The following MYCBP2 variants were observed in gnomAD, a reference collection of about 807,000 sequenced individuals.
MYCBP2 encodes E3 ubiquitin-protein ligase MYCBP2.
A neutral mutation model predicts 525.3 loss-of-function variants in MYCBP2; 120 were observed. That is an observed-to-expected ratio of 0.23 (90% CI 0.20 to 0.27). MYCBP2 has a LOEUF of 0.27. Ranked by LOEUF, MYCBP2 falls within the 10% of genes least tolerant of loss-of-function variation. MYCBP2 has a pLI of 1.00. For missense variants in MYCBP2, 4,149 were observed against 5,657.1 expected (o/e 0.73, Z 8.55); for synonymous variants, 1,894 against 1,955.8 (o/e 0.97, Z 0.83).
At chr13:77,218,443 T>C (rs972149580) in intron 20 of MYCBP2, among the ~76,000 whole-genome samples, 3 of 152,220 alleles carry the variant, frequency 2.0e-5, no homozygotes, top group Non-Finnish European at 4.4e-5. Flanking sequence ...CAAAACACAG[T>C]ATCATGAGAG....
At chr13:77,242,430 A>C (rs930329667) in intron 17 of MYCBP2, among the ~76,000 whole-genome samples, 10 of 152,136 alleles carry the variant, frequency 6.6e-5, no homozygotes, top group African/African-American at 2.4e-4. Context: ...ATGTATTTTT[A>C]AGCTAAGAAA....
intron 55 of MYCBP2, among the ~76,000 whole-genome samples, chr13:77,119,978 G>A (rs772171741): frequency 3.6e-4 from 55 of 151,876 alleles, no homozygotes; most frequent in Non-Finnish European, 7.5e-4. Context: ...AAATTTTCTC[G>A]GCAATGTTTG....
chr13:77,276,076 C>T (rs2075539953), intron 4 of MYCBP2, among the ~76,000 whole-genome samples: 1 of 152,198 alleles, frequency 6.6e-6, no homozygotes, highest in African/African-American at 2.4e-5. Context: ...CTCTCTGATG[C>T]TAAGTTCCAT....
intron 26 of MYCBP2, among the ~76,000 whole-genome samples, chr13:77,198,101 G>C (rs1193865022): frequency 6.6e-6 from 1 of 152,144 alleles, no homozygotes; most frequent in African/African-American, 2.4e-5. Context: ...ATAACACATT[G>C]AGGTTGCTTC....
intron 69 of MYCBP2, among the ~76,000 whole-genome samples, chr13:77,069,394 G>A (rs984658610): frequency 1.3e-5 from 2 of 151,800 alleles, no homozygotes; most frequent in Admixed American, 6.6e-5. Flanking sequence ...AGGCCGAGGC[G>A]GGCGGATCAT....
chr13:77,055,482 C>CACTGT, intron 80 of MYCBP2, 76 bp downstream of exon 80: 1 of 1,162,128 alleles, frequency 8.6e-7, no homozygotes, highest in Non-Finnish European at 1.2e-6. Context: ...AATTAGATAT[C>CACTGT]ACTGTACAAT....
chr13:77,152,154 A>C (rs1396369511), intron 46 of MYCBP2, among the ~76,000 whole-genome samples: 1 of 152,196 alleles, frequency 6.6e-6, no homozygotes, highest in Non-Finnish European at 1.5e-5. Flanking sequence ...GTAGTTTGAG[A>C]CTTTCGCTAT....
intron 1 of MYCBP2, among the ~76,000 whole-genome samples, chr13:77,317,659 C>G (rs2154380319): frequency 1.3e-5 from 2 of 152,284 alleles, no homozygotes; most frequent in Middle Eastern, 6.8e-3. Context: ...TGGGTCCCGG[C>G]CGGGCGCGGT....
intron 18 of MYCBP2, among the ~76,000 whole-genome samples, chr13:77,231,107 T>C (rs1179098601): frequency 6.6e-6 from 1 of 152,220 alleles, no homozygotes; most frequent in East Asian, 1.9e-4. Flanking sequence ...ATTGTAAATG[T>C]ATTTGGGGAG....
intron 23 of MYCBP2, among the ~76,000 whole-genome samples, chr13:77,209,321 G>A (rs1215084219): frequency 6.6e-6 from 1 of 152,212 alleles, no homozygotes; most frequent in East Asian, 1.9e-4. Flanking sequence ...TAGTTATACT[G>A]TTATTGCTAA....
At position 77,097,874 on chromosome 13, in the gene MYCBP2, A is replaced by G; in HGVS notation, c.9280T>C (p.Ser3094Pro). ...ATATTAAACATATTCAGTGCAGATGATATTTCTAATGAATGTCTATTTTTT... is the reference window on the plus strand; with the variant it reads ...ATATTAAACATATTCAGTGCAGATGGTATTTCTAATGAATGTCTATTTTTT... ...KLKNRHSLEISSALNMFNIAP... is the reference protein window; with the variant it reads ...KLKNRHSLEIPSALNMFNIAP... Residue 3094 changes from serine to proline, a missense_variant, in exon 56 of 83, where the codon TCA (serine) becomes CCA (proline). Physicochemically the swap from Ser to Pro is moderately conservative, Grantham distance 74. Coordinates refer to ENST00000544440, the MANE Select transcript of MYCBP2 (RefSeq NM_015057.5). 6.2e-7 allele frequency: 1 copy of G among 1,612,974 alleles called. No homozygotes were observed. Among genetic ancestry groups the G allele is most frequent in the South Asian group, 1.1e-5 (1 of 90,934 alleles).
chr13:77,178,899 GA>G (rs2059960471), intron 34 of MYCBP2, among the ~76,000 whole-genome samples: 1 of 152,206 alleles, frequency 6.6e-6, no homozygotes. Flanking sequence ...GCATCCTGCA[GA>G]GTATACTATC....
intron 46 of MYCBP2, among the ~76,000 whole-genome samples, chr13:77,153,846 A>T (rs1424824951): frequency 6.6e-6 from 1 of 152,114 alleles, no homozygotes; most frequent in Non-Finnish European, 1.5e-5. Context: ...TTTATCCAAC[A>T]CTGTCAGACA....
At chr13:77,232,178 T>C (rs552369215) in intron 18 of MYCBP2, among the ~76,000 whole-genome samples, 1 of 152,280 alleles carries the variant, frequency 6.6e-6, no homozygotes, top group Admixed American at 6.5e-5. Context: ...ATATTGCCTA[T>C]GAAATTTTTT....
chr13:77,066,636 T>C (rs2040252584), intron 71 of MYCBP2, among the ~76,000 whole-genome samples: 1 of 152,244 alleles, frequency 6.6e-6, no homozygotes, highest in South Asian at 2.1e-4. Flanking sequence ...GTTTTAGAAG[T>C]AGAATTGGTA....
At chr13:77,057,995 G>A (rs565456657) in intron 78 of MYCBP2, among the ~76,000 whole-genome samples, 1 of 151,960 alleles carries the variant, frequency 6.6e-6, no homozygotes, top group East Asian at 1.9e-4. Context: ...CCACCACCAC[G>A]CCCAGCTAAT....
chr13:77,070,492 C>A, intron 69 of MYCBP2, 139 bp downstream of exon 69: 1 of 516,576 alleles, frequency 1.9e-6, no homozygotes, highest in Non-Finnish European at 3.4e-6. Context: ...AATTCTTTTT[C>A]TTCAAATATG....
At position 77,165,380 on chromosome 13, in the gene MYCBP2, G is replaced by T. The variant is rs1224913569; in HGVS notation, c.6352C>A (p.Leu2118Ile). The change falls in exon 42 of 83, where the codon CTT (leucine) becomes ATT (isoleucine). Residue 2118 changes from leucine to isoleucine, a missense_variant. By Grantham distance (5) the Leu-to-Ile change is conservative. This residue lies in a region of MYCBP2 where 692 missense variants were observed against 852.7 expected (regional missense o/e 0.81). Transcript: ENST00000544440. Reference sequence around the variant, plus strand: ...TCTGATGCAGTCTCCAATGAAAAAAGGGCCTCATTTCCTAATAAAAATGCC... The same window carrying T: ...TCTGATGCAGTCTCCAATGAAAAAATGGCCTCATTTCCTAATAAAAATGCC... ...MVLVLPGNEA[L>I]FSLETASDYV... The T allele has an allele frequency of 3.8e-6, 6 of 1,593,846 alleles. No homozygotes were observed. The East Asian group carries it at 1.1e-4, about 30-fold the overall frequency.
intron 59 of MYCBP2, among the ~76,000 whole-genome samples, chr13:77,092,076 T>G (rs868075681): frequency 7.9e-5 from 4 of 50,366 alleles, no homozygotes; most frequent in Admixed American, 3.3e-4. Flanking sequence ...GCATGTATTT[T>G]TAATGAAAAA....
Sources: gnomAD v4.1 joint callset for allele counts (sites outside exome capture counted in the v4.1 genomes callset) on GRCh38, gnomAD v4.1.1 for gene constraint, gnomAD v4.1.1 regional missense constraint, MANE v1.5 for transcripts, NCBI Gene and HGNC (gene_info 2026-07-23, HGNC 2026-07-21) for gene names.